Variants in FARP2 observed in about 807,000 individuals in gnomAD.
FARP2 encodes FERM, ARHGEF and pleckstrin domain-containing protein 2.
A neutral mutation model predicts 130.5 loss-of-function variants in FARP2; 111 were observed. The ratio of observed to expected loss-of-function variants is 0.85; its 90% CI spans 0.73 to 1.00. The LOEUF (loss-of-function observed/expected upper bound fraction) is 1.00, where lower values mean the gene tolerates loss of function less well. Ranked by LOEUF, FARP2 falls within the 50% of genes least tolerant of loss-of-function variation. The probability of loss-of-function intolerance (pLI) is 0.00; values close to 1 mark genes in which losing one functional copy is unlikely to be tolerated. For missense variants in FARP2, 1,385 were observed against 1,346.3 expected, an observed-to-expected ratio of 1.03 and a Z score of -0.45; for synonymous variants, 504 against 516.9, an observed-to-expected ratio of 0.98 and a Z score of 0.34.
chr2:241,490,493 A>AT (rs1408800844), intron 22 of FARP2, among the ~76,000 whole-genome samples: 3 of 152,230 alleles, frequency 2.0e-5, no homozygotes, highest in African/African-American at 7.2e-5. Flanking sequence ...ATAGACTCAC[A>AT]TGAGGCAGCC....
intron 10 of FARP2, 140 bp downstream of exon 10, chr2:241,434,461 C>G (rs1390626458): frequency 1.6e-6 from 1 of 628,768 alleles, no homozygotes; most frequent in Non-Finnish European, 2.6e-6. Context: ...GAAAGAATAA[C>G]TAGAGGAAGC....
chr2:241,494,011 G>T lies in FARP2; in HGVS notation c.3051G>T (p.Trp1017Cys). The T allele has an allele frequency of 7.2e-7, 1 of 1,389,232 alleles. No homozygotes were observed. The highest frequency in any genetic ancestry group is 2.1e-5 in the South Asian group (1 of 48,296). The allele number at this position is 1,389,232 out of a possible 1,614,324, so 86.1% of individuals were successfully genotyped here. A position where few individuals can be genotyped will look rare whatever the true frequency, so the allele number is the denominator to read the frequency against. ...TGATGGCCGCCCTCTCCTCCAGGTG[G>T]ATGGAGGTGATCCAGGGGGCCAGCA... ...RAESKYTFER[W>C]MEVIQGASSS... The change falls in exon 27 of 27, where the codon TGG becomes TGT. Residue 1017 changes from tryptophan (W) to cysteine (C), a missense_variant. Physicochemically the swap from Trp to Cys is radical, Grantham distance 215. Transcript: ENST00000264042. This position sits in a 1 kb window ranked among gnomAD's most constrained non-coding sequence, Gnocchi z 4.9.
Position 241,403,679 on chromosome 2 carries a change from T to G in FARP2, c.184-149T>G, listed in dbSNP as rs1401620341. The stretch of plus-strand genomic sequence containing the variant: ...TCTGAGCACAAATGCTTCAGACTTT[T>G]TTTTTTATATATAGTTTATAAATCT... On this transcript the variant is annotated intron_variant, in intron 2 of 26. Coordinates refer to ENST00000264042, the MANE Select transcript of FARP2 (RefSeq NM_014808.4). The G allele has an allele frequency of 9.3e-6, 4 of 430,908 alleles. No individual in the cohort carries two copies. In the Admixed American group the frequency reaches 1.3e-4, roughly 14 times the overall value. 26.7% of individuals were successfully genotyped at this position (430,908 alleles called of 1,614,324 possible).
chr2:241,434,431 A>C (rs2063167961), intron 10 of FARP2, 110 bp downstream of exon 10: 1 of 789,372 alleles, frequency 1.3e-6, no homozygotes, highest in Non-Finnish European at 1.9e-6. Flanking sequence ...AGAGAATTAC[A>C]CACAAAGTGG....
At chr2:241,417,821 G>A (rs2062714064) in intron 7 of FARP2, 141 bp from the exon 8 acceptor site, 1 of 874,270 alleles carries the variant, frequency 1.1e-6, no homozygotes, top group Non-Finnish European at 1.8e-6. Context: ...TTTGTAGTGG[G>A]TAAACACAGA....
chr2:241,436,830 C>G (rs577069319), intron 12 of FARP2, among the ~76,000 whole-genome samples: 2 of 152,212 alleles, frequency 1.3e-5, no homozygotes, highest in Middle Eastern at 3.4e-3. Flanking sequence ...ACAAAAAATA[C>G]AAAAATTAGC....
intron 8 of FARP2, among the ~76,000 whole-genome samples, chr2:241,425,718 G>T (rs751305539): frequency 7.0e-6 from 1 of 143,390 alleles, no homozygotes; most frequent in Non-Finnish European, 1.5e-5. Flanking sequence ...ACAAAGAAGA[G>T]CTGGTACAAT....
rs142539161 is a variant in FARP2 at position 241,490,315 on chromosome 2, G to A, written c.2504+271G>A. On this transcript the variant is annotated intron_variant, in intron 22 of 26. Transcript: ENST00000264042. Reference sequence around the variant, plus strand: ...CGCTCCCTCTGCCCTCCGGTTCACAGTGCCTCCAAAGACAGGACGGGTGAG... The same window carrying A: ...CGCTCCCTCTGCCCTCCGGTTCACAATGCCTCCAAAGACAGGACGGGTGAG... 5.6e-4 allele frequency among the ~76,000 whole-genome samples: 85 copies of A among 152,348 alleles called. 1 individual carries two copies. Among genetic ancestry groups the A allele is most frequent in the African/African-American group, 1.8e-3 (74 of 41,592 alleles).
intron 1 of FARP2, among the ~76,000 whole-genome samples, chr2:241,365,703 A>C (rs2061287906): frequency 6.6e-6 from 1 of 152,182 alleles, no homozygotes; most frequent in Non-Finnish European, 1.5e-5. Flanking sequence ...ACGTAGAATG[A>C]AGTTACTGGG....
At chr2:241,414,572 C>T (rs1279782025) in intron 7 of FARP2, among the ~76,000 whole-genome samples, 4 of 152,230 alleles carry the variant, frequency 2.6e-5, no homozygotes, top group Non-Finnish European at 5.9e-5. Context: ...ACGGCACAGA[C>T]TGAGGTGCCT....
chr2:241,465,449 T>C (rs2064143435), intron 17 of FARP2: 4 of 1,549,768 alleles, frequency 2.6e-6, no homozygotes, highest in Non-Finnish European at 3.5e-6. Context: ...GCTCATAGGT[T>C]TTTCTTTCAG....
chr2:241,390,832 T>C (rs550693848), intron 2 of FARP2, among the ~76,000 whole-genome samples: 41 of 152,358 alleles, frequency 2.7e-4, no homozygotes, highest in African/African-American at 9.6e-4. Context: ...GTCTCTGTAG[T>C]TCAAGAGTTT....
chr2:241,456,698 A>G (rs750154818), intron 13 of FARP2, 49 bp from the exon 14 acceptor site: 2 of 1,598,972 alleles, frequency 1.3e-6, no homozygotes, highest in Non-Finnish European at 1.7e-6. Context: ...AGCCAGCCTC[A>G]CAGCCCTTTC....
At chr2:241,412,430 CAT>C (rs2062544648) in intron 6 of FARP2, among the ~76,000 whole-genome samples, 1 of 152,158 alleles carries the variant, frequency 6.6e-6, no homozygotes, top group Non-Finnish European at 1.5e-5. Context: ...TGGCAAGTAA[CAT>C]GTTAGCAACT....
At chr2:241,395,734 C>T (rs920507305) in intron 2 of FARP2, 12 of 152,130 alleles carry the variant, frequency 7.9e-5, no homozygotes, top group Non-Finnish European at 1.6e-4. Context: ...CATTAATAGA[C>T]ATCTGAGTGC....
chr2:241,438,574 A>T (rs2063301220), intron 12 of FARP2, among the ~76,000 whole-genome samples: 1 of 151,258 alleles, frequency 6.6e-6, no homozygotes, highest in African/African-American at 2.4e-5. Context: ...AGCTCATGGT[A>T]TCCCAGGTTT....
chr2:241,450,195 C>T (rs1292969581), intron 13 of FARP2, among the ~76,000 whole-genome samples: 1 of 151,992 alleles, frequency 6.6e-6, no homozygotes, highest in Non-Finnish European at 1.5e-5. Flanking sequence ...AAGACCCCAT[C>T]TCTACAAAAA....
Position 241,431,784 on chromosome 2 carries a change from A to G in FARP2, c.867+10A>G. ...TCATCCAGAGGTTCATGTAAGTATT[A>G]TTTTCAACTTTTTATTTTTATTTTA... On this transcript the variant is annotated intron_variant, in intron 9 of 26. Coordinates refer to ENST00000264042, the MANE Select transcript of FARP2 (RefSeq NM_014808.4). The G allele has an allele frequency of 1.9e-6, 2 of 1,061,378 alleles. No individual in the cohort carries two copies. The highest frequency in any genetic ancestry group is 2.6e-6 in the Non-Finnish European group (2 of 756,306). The allele number at this position is 1,061,378 out of a possible 1,614,324, so 65.7% of individuals were successfully genotyped here. A position where few individuals can be genotyped will look rare whatever the true frequency, so the allele number is the denominator to read the frequency against.
At chr2:241,463,273 G>A (rs924146815) in intron 15 of FARP2, 62 bp from the exon 16 acceptor site, 38 of 1,577,680 alleles carry the variant, frequency 2.4e-5, no homozygotes, top group Middle Eastern at 1.9e-4. Flanking sequence ...GGCCCTCAGG[G>A]GCACAGTTTC....
Sources: allele counts gnomAD v4.1 joint callset (sites outside exome capture counted in the v4.1 genomes callset), GRCh38; gene constraint gnomAD v4.1.1; non-coding constraint Gnocchi (gnomAD v3.1); transcripts MANE v1.5; gene names NCBI Gene and HGNC (gene_info 2026-07-23, HGNC 2026-07-21).